The following KIF13B variants were observed in gnomAD, a reference collection of about 807,000 sequenced individuals.
KIF13B encodes the protein kinesin-like protein KIF13B.
A neutral mutation model predicts 222.0 loss-of-function variants in KIF13B; 127 were observed. That is an observed-to-expected ratio of 0.57 (90% confidence interval 0.50 to 0.66). KIF13B has a LOEUF of 0.66. KIF13B is among the 30% of genes least tolerant of loss of function. The probability of loss-of-function intolerance (pLI) is 0.00; values close to 1 mark genes in which losing one functional copy is unlikely to be tolerated. For synonymous variants in KIF13B, 976 were observed against 919.0 expected, an observed-to-expected ratio of 1.06 and a Z score of -1.12; for missense variants, 2,173 against 2,379.0, an observed-to-expected ratio of 0.91 and a Z score of 1.80.
At chr8:29,250,199 C>T in intron 1 of KIF13B, 1 of 436,504 alleles carries the variant, frequency 2.3e-6, no homozygotes, top group South Asian at 1.8e-5. Flanking sequence ...CAGAAGAACT[C>T]TAAGTGCCGT....
Position 29,132,517 on chromosome 8 carries a change from T to C in KIF13B, c.2785-52A>G, listed in dbSNP as rs375580483. 1,117 of 1,209,040 alleles carry C rather than the reference T, an allele frequency of 9.2e-4. 4 individuals are homozygous for C. The highest frequency in any genetic ancestry group is 2.6e-3 in the South Asian group (110 of 42,174). The allele number at this position is 1,209,040 out of a possible 1,614,324, so 74.9% of individuals were successfully genotyped here. On this transcript the variant is annotated intron_variant, in intron 22 of 39. Transcript: ENST00000524189. ...GAGCAAACTCTTTCTGGTAATCTTA[T>C]GATTGTTTATACCAGACATCACATA...
chr8:29,189,795 C>T (rs1813095073), intron 4 of KIF13B: 1 of 152,268 alleles, frequency 6.6e-6, no homozygotes, highest in Non-Finnish European at 1.5e-5. Context: ...TAAGGGGCGA[C>T]CTTGTGCTCC....
chr8:29,133,998 T>G lies in KIF13B; in HGVS notation c.2784+42A>C, dbSNP rs766589032. The G allele has an allele frequency of 2.5e-6, 4 of 1,570,026 alleles. No individual in the cohort carries two copies. The Admixed American group carries it at 5.5e-5, about 22-fold the overall frequency. ...GTTCATTTTCTGTTTTGTTTTCACA[T>G]GAGTAATCTAAATGCTGACCTACTC... On this transcript the variant is annotated intron_variant, in intron 22 of 39. Coordinates refer to ENST00000524189, the MANE Select transcript of KIF13B (RefSeq NM_015254.4).
At chr8:29,199,303 A>G (rs1813580367) in intron 2 of KIF13B, among the ~76,000 whole-genome samples, 1 of 152,006 alleles carries the variant, frequency 6.6e-6, no homozygotes, top group Admixed American at 6.6e-5. Flanking sequence ...ATGCTACATG[A>G]CTCCATTCTC....
chr8:29,205,066 G>A (rs537068662), intron 2 of KIF13B, among the ~76,000 whole-genome samples: 5 of 152,248 alleles, frequency 3.3e-5, no homozygotes, highest in South Asian at 2.1e-4. Flanking sequence ...GCTCACACCT[G>A]TAATCTCAGT....
chr8:29,146,561 G>A lies in KIF13B; in HGVS notation c.2025-21C>T, dbSNP rs375575024. On this transcript the variant is annotated intron_variant, in intron 17 of 39. Coordinates refer to ENST00000524189, the MANE Select transcript of KIF13B (RefSeq NM_015254.4). ...CTTCTCTAAAAAAAAATAAAGAAGC[G>A]GCAGAGGTAGGGAAGAGATTAACAC... 54 of 1,603,236 alleles carry A rather than the reference G, an allele frequency of 3.4e-5. No homozygotes were observed. In the Admixed American group the frequency reaches 3.4e-4, roughly 10 times the overall value.
chr8:29,148,070 C>G (rs997584253), intron 16 of KIF13B, among the ~76,000 whole-genome samples: 1 of 152,182 alleles, frequency 6.6e-6, no homozygotes, highest in Non-Finnish European at 1.5e-5. Flanking sequence ...TGGTGGTGTG[C>G]ACGCCTGTCA....
chr8:29,110,297 C>G lies in KIF13B; in HGVS notation c.3931-227G>C, dbSNP rs1809296735. On this transcript the variant is annotated intron_variant, in intron 32 of 39. Coordinates refer to ENST00000524189, the MANE Select transcript of KIF13B (RefSeq NM_015254.4). ...CAGCACAGCTGAAACACAGCGCATT[C>G]TCAACAAAACTGTTCTCTACTACAT... Among the ~76,000 whole-genome samples the G allele has an allele frequency of 1.3e-5, 2 of 152,240 alleles. 1 individual carries two copies. The highest frequency in any genetic ancestry group is 1.3e-4 in the Admixed American group (2 of 15,286).
At chr8:29,167,297 C>T (rs1247756117) in intron 11 of KIF13B, 76 bp downstream of exon 11, 4 of 1,248,476 alleles carry the variant, frequency 3.2e-6, no homozygotes, top group East Asian at 4.9e-5. Flanking sequence ...CCCTCACAGC[C>T]CAGGGGAAGG....
At chr8:29,107,773 G>T (rs1271616222) in intron 35 of KIF13B, among the ~76,000 whole-genome samples, 5 of 151,990 alleles carry the variant, frequency 3.3e-5, no homozygotes, top group Non-Finnish European at 7.4e-5. Flanking sequence ...TGTTAGCCAG[G>T]ATGGTCTCGA....
At chr8:29,207,488 T>G (rs890499332) in intron 2 of KIF13B, among the ~76,000 whole-genome samples, 2 of 152,166 alleles carry the variant, frequency 1.3e-5, no homozygotes, top group Non-Finnish European at 2.9e-5. Context: ...GGGCACTCAA[T>G]GCTTATTGGA....
rs533565400 is a variant in KIF13B at position 29,153,003 on chromosome 8, TATG to T, written c.1536-2623_1536-2621del. On this transcript the variant is annotated intron_variant, in intron 14 of 39. Transcript: ENST00000524189. ...CAAAAATTTGTGTGACTTGCTTTAC[TATG>T]ATATTTGCTTCATTGTGGAAGTCCG... is the stretch of plus-strand genomic sequence containing the variant. Among the ~76,000 whole-genome samples, 4 of 152,378 alleles carry T rather than the reference TATG, an allele frequency of 2.6e-5. No homozygotes were observed. In the South Asian group the frequency reaches 8.3e-4, roughly 32 times the overall value.
chr8:29,185,114 C>T (rs537388653), intron 6 of KIF13B, among the ~76,000 whole-genome samples: 1 of 152,182 alleles, frequency 6.6e-6, no homozygotes, highest in South Asian at 2.1e-4. Flanking sequence ...GACTTCTGTG[C>T]ATCCTACTCT....
chr8:29,117,670 T>G (rs1809667025), intron 30 of KIF13B, among the ~76,000 whole-genome samples: 1 of 152,184 alleles, frequency 6.6e-6, no homozygotes, highest in Non-Finnish European at 1.5e-5. Context: ...GACTCAAGTT[T>G]CGCTTCTTAG....
Position 29,147,633 on chromosome 8 carries a change from C to A in KIF13B, c.1814-31G>T, listed in dbSNP as rs745351989. ...CACATTTTTAAAAAAGATACATGAT[C>A]GAGAGTTACAACATAATAAACTTCA... On this transcript the variant is annotated intron_variant, in intron 16 of 39. Transcript: ENST00000524189. The A allele has an allele frequency of 4.7e-6, 7 of 1,480,808 alleles. No homozygotes were observed. The Admixed American group carries it at 8.5e-5, about 18-fold the overall frequency. The allele number at this position is 1,480,808 out of a possible 1,614,324, so 91.7% of individuals were successfully genotyped here. A position where few individuals can be genotyped will look rare whatever the true frequency, so the allele number is the denominator to read the frequency against.
At chr8:29,221,427 T>C (rs1814746078) in intron 2 of KIF13B, among the ~76,000 whole-genome samples, 1 of 146,030 alleles carries the variant, frequency 6.8e-6, no homozygotes. Context: ...ATCGTGCCAC[T>C]GCACTCCAGC....
chr8:29,167,099 CCT>C (rs1045375811), intron 11 of KIF13B, among the ~76,000 whole-genome samples: 3 of 152,276 alleles, frequency 2.0e-5, no homozygotes, highest in African/African-American at 7.2e-5. Flanking sequence ...TTCTATTATA[CCT>C]CTCTCTTTTG....
intron 12 of KIF13B, 51 bp downstream of exon 12, chr8:29,165,611 T>G: frequency 1.7e-6 from 2 of 1,159,114 alleles, no homozygotes; most frequent in Non-Finnish European, 2.6e-6. Flanking sequence ...TGTGTCCCAT[T>G]GTGCAAACTG....
intron 36 of KIF13B, among the ~76,000 whole-genome samples, chr8:29,097,575 T>C (rs1044486189): frequency 6.6e-6 from 1 of 152,070 alleles, no homozygotes; most frequent in Non-Finnish European, 1.5e-5. Context: ...CAATCTGGAA[T>C]ACAGATTACC....
Sources: allele counts gnomAD v4.1 joint callset (sites outside exome capture counted in the v4.1 genomes callset), GRCh38; gene constraint gnomAD v4.1.1; transcripts MANE v1.5; gene names NCBI Gene and HGNC (gene_info 2026-07-23, HGNC 2026-07-21).